The following RASEF variants were observed in gnomAD, a reference collection of about 807,000 sequenced individuals.
RASEF encodes the protein RAS and EF-hand domain containing.
RASEF carries 68 observed loss-of-function variants against 90.1 expected under a neutral mutation model. The observed-to-expected ratio is 0.75, with a 90% CI of 0.62 to 0.92. RASEF has a LOEUF of 0.92. RASEF is among the 40% of genes least tolerant of loss of function. The probability of loss-of-function intolerance (pLI) is 0.00; values close to 1 mark genes in which losing one functional copy is unlikely to be tolerated. For missense variants in RASEF, 949 were observed against 937.2 expected (o/e 1.01, Z -0.16); for synonymous variants, 331 against 345.2 (o/e 0.96, Z 0.46).
At chr9:83,024,710 T>A (rs1395030952) in intron 2 of RASEF, among the ~76,000 whole-genome samples, 1 of 152,232 alleles carries the variant, frequency 6.6e-6, no homozygotes, top group Non-Finnish European at 1.5e-5. Flanking sequence ...TCCAGGACGA[T>A]AAGAAAGGTC....
chr9:83,079,478 C>T, the RASEF span, among the ~76,000 whole-genome samples: 3 of 152,006 alleles, frequency 2.0e-5, no homozygotes, highest in Non-Finnish European at 2.9e-5. Flanking sequence ...CGGGTGATAC[C>T]ACACACTTAA....
the RASEF span, among the ~76,000 whole-genome samples, chr9:83,071,097 CTG>C: frequency 2.0e-5 from 3 of 152,132 alleles, no homozygotes; most frequent in African/African-American, 7.2e-5. Flanking sequence ...CATTTTCAAT[CTG>C]TATGTCTTTT....
chr9:83,181,974 C>T, the RASEF span, among the ~76,000 whole-genome samples: 1 of 152,194 alleles, frequency 6.6e-6, no homozygotes, highest in Non-Finnish European at 1.5e-5. Context: ...AGCACAAGTT[C>T]CCTCTTTCCA....
chr9:83,055,732 AG>A (rs1239588990), intron 1 of RASEF: 1 of 703,122 alleles, frequency 1.4e-6, no homozygotes, highest in African/African-American at 1.8e-5. Context: ...ATTTGGAATG[AG>A]CTCACATCAA....
the RASEF span, chr9:83,201,214 A>G: frequency 6.6e-6 from 1 of 152,198 alleles, no homozygotes; most frequent in South Asian, 2.1e-4. Context: ...TCACAGCCAG[A>G]CTGTCCATGT....
the RASEF span, among the ~76,000 whole-genome samples, chr9:83,211,036 A>G: frequency 6.6e-6 from 1 of 152,384 alleles, no homozygotes; most frequent in South Asian, 2.1e-4. Context: ...AGTAACATTG[A>G]TACATTATGA....
intron 9 of RASEF, among the ~76,000 whole-genome samples, chr9:83,001,974 T>C (rs570359156): frequency 1.8e-4 from 28 of 152,324 alleles, no homozygotes; most frequent in Non-Finnish European, 3.5e-4. Flanking sequence ...AGTGAAACTC[T>C]GAAGATTTTA....
intron 4 of RASEF, among the ~76,000 whole-genome samples, chr9:83,013,480 A>G (rs1275706267): frequency 6.6e-6 from 1 of 152,250 alleles, no homozygotes; most frequent in African/African-American, 2.4e-5. Context: ...GACTTCAGAG[A>G]AGAAAAACCA....
At chr9:82,990,052 TATC>T (rs1828782891) in intron 16 of RASEF, among the ~76,000 whole-genome samples, 1 of 152,206 alleles carries the variant, frequency 6.6e-6, no homozygotes, top group Non-Finnish European at 1.5e-5. Context: ...CCCGGGAAAA[TATC>T]ATAATAGACA....
the RASEF span, among the ~76,000 whole-genome samples, chr9:83,169,163 G>A: frequency 2.0e-5 from 3 of 151,944 alleles, no homozygotes; most frequent in African/African-American, 7.3e-5. Flanking sequence ...TTCAATCCAT[G>A]CTGCTGCAAA....
chr9:83,172,503 G>A, the RASEF span, among the ~76,000 whole-genome samples: 1 of 151,234 alleles, frequency 6.6e-6, no homozygotes, highest in East Asian at 1.9e-4. Flanking sequence ...TTCACTGGTG[G>A]TATGTTTTCT....
chr9:82,984,650 C>T (rs561467755), intron 16 of RASEF, among the ~76,000 whole-genome samples: 5 of 152,226 alleles, frequency 3.3e-5, no homozygotes, highest in South Asian at 4.2e-4. Context: ...CCCTAACACC[C>T]GGGAAGACTC....
At chr9:83,080,425 C>T in the RASEF span, among the ~76,000 whole-genome samples, 62,767 of 152,022 alleles carry the variant, frequency 0.41, 13,237 homozygotes, top group East Asian at 0.61. Flanking sequence ...TGCCCCACCC[C>T]AGGTGATAGA....
At position 82,995,424 on chromosome 9, in the gene RASEF, T is replaced by G. The variant is rs576063086; in HGVS notation, c.1920+1588A>C. On this transcript the variant is annotated intron_variant, in intron 14 of 16. Transcript: ENST00000376447. ...TGTTCACTTGAGTAGCCATTGCTCC[T>G]CTATGCACTAATTATACCTTGGGAT... Among the ~76,000 whole-genome samples, 118 of 152,280 alleles carry G rather than the reference T, an allele frequency of 7.7e-4. 1 individual carries two copies. The highest frequency in any genetic ancestry group is 3.4e-3 in the Middle Eastern group (1 of 294).
At chr9:83,201,384 T>C in the RASEF span, among the ~76,000 whole-genome samples, 3 of 152,206 alleles carry the variant, frequency 2.0e-5, no homozygotes, top group African/African-American at 7.2e-5. Context: ...TTTTGAATTA[T>C]GCCTTGGACG....
chr9:83,194,440 G>A, the RASEF span, among the ~76,000 whole-genome samples: 1 of 152,192 alleles, frequency 6.6e-6, no homozygotes, highest in Non-Finnish European at 1.5e-5. Flanking sequence ...TTCCCTACAT[G>A]AGGGGTAGAA....
intron 7 of RASEF, among the ~76,000 whole-genome samples, chr9:83,006,130 T>C (rs1448881820): frequency 6.6e-6 from 1 of 152,218 alleles, no homozygotes; most frequent in African/African-American, 2.4e-5. Context: ...CTTCCCCAGC[T>C]TAAGGCTGGT....
chr9:83,011,192 T>A (rs932298927), intron 5 of RASEF, among the ~76,000 whole-genome samples: 29 of 151,958 alleles, frequency 1.9e-4, no homozygotes, highest in African/African-American at 6.5e-4. Flanking sequence ...TGCAATTCAG[T>A]GAAAGGCCTA....
At chr9:82,989,712 T>C (rs1377465041) in intron 16 of RASEF, among the ~76,000 whole-genome samples, 1 of 152,216 alleles carries the variant, frequency 6.6e-6, no homozygotes, top group African/African-American at 2.4e-5. Flanking sequence ...GCTCTGAAAT[T>C]TGTATTGCAC....
Sources: gnomAD v4.1 joint callset for allele counts (sites outside exome capture counted in the v4.1 genomes callset) on GRCh38, gnomAD v4.1.1 for gene constraint, MANE v1.5 for transcripts, NCBI Gene and HGNC (gene_info 2026-07-23, HGNC 2026-07-21) for gene names.